The following PRH1 variants were observed in gnomAD, a reference collection of about 807,000 sequenced individuals.
The protein encoded by PRH1 is proline rich protein HaeIII subfamily 1.
Under a neutral mutation model 7.9 loss-of-function variants are expected in PRH1, and 7 were observed. The ratio of observed to expected loss-of-function variants is 0.89; its 90% CI spans 0.50 to 1.67. The LOEUF (loss-of-function observed/expected upper bound fraction) is 1.67. Ranked by LOEUF, PRH1 falls within the 40% of genes most tolerant of loss-of-function variation. The pLI, the probability that PRH1 is intolerant of heterozygous loss-of-function variation, is 0.00. For missense variants in PRH1, 109 were observed against 223.6 expected (o/e 0.49, Z 3.27); for synonymous variants, 45 against 80.8 (o/e 0.56, Z 2.38).
chr12:11,004,223 G>A (rs999599538), intron 1 of PRH1, among the ~76,000 whole-genome samples: 4 of 152,050 alleles, frequency 2.6e-5, no homozygotes, highest in Non-Finnish European at 5.9e-5. Flanking sequence ...GGCCAGGCAC[G>A]GTGGCTCACG....
chr12:11,013,975 T>C (rs1901189), intron 1 of PRH1, among the ~76,000 whole-genome samples: 37,673 of 151,778 alleles, frequency 0.25, 422 homozygotes, highest in East Asian at 0.48. Context: ...GAAATCTGCC[T>C]GCCTAAGCCT....
chr12:11,101,720 A>C (rs1269420242), intron 1 of PRH1, among the ~76,000 whole-genome samples: 1 of 152,174 alleles, frequency 6.6e-6, no homozygotes, highest in Non-Finnish European at 1.5e-5. Flanking sequence ...GTAAGATAAA[A>C]AATTATAAGG....
At chr12:11,162,623 A>T (rs1465091547) in intron 1 of PRH1, among the ~76,000 whole-genome samples, 1 of 152,182 alleles carries the variant, frequency 6.6e-6, no homozygotes, top group Non-Finnish European at 1.5e-5. Context: ...TGTGGCAGGT[A>T]CTGTGTTGCT....
At chr12:11,062,959 A>G (rs1180356169) in intron 1 of PRH1, among the ~76,000 whole-genome samples, 1 of 152,084 alleles carries the variant, frequency 6.6e-6, no homozygotes, top group Non-Finnish European at 1.5e-5. Context: ...ACACATGTGC[A>G]CACCACTCAC....
At chr12:11,066,768 T>G (rs1943839054) in intron 1 of PRH1, among the ~76,000 whole-genome samples, 1 of 151,824 alleles carries the variant, frequency 6.6e-6, no homozygotes, top group South Asian at 2.1e-4. Flanking sequence ...TTCTTCCTCA[T>G]GGCCTCATGT....
At chr12:11,037,390 G>C (rs1403560623) in intron 1 of PRH1, among the ~76,000 whole-genome samples, 7 of 152,278 alleles carry the variant, frequency 4.6e-5, no homozygotes, top group African/African-American at 1.4e-4. Flanking sequence ...CCTTTCTATG[G>C]TATTTTTCTC....
intron 1 of PRH1, among the ~76,000 whole-genome samples, chr12:11,099,454 T>C (rs978433863): frequency 6.6e-6 from 1 of 151,970 alleles, no homozygotes; most frequent in East Asian, 1.9e-4. Context: ...AGGCCAGGTG[T>C]GGAGGAGGCT....
In PRH1 at chr12:10,967,441, T is replaced by C. The variant is rs74903871; in HGVS notation, c.-59+6214A>G. 2.6e-5 allele frequency among the ~76,000 whole-genome samples: 4 copies of C among 152,312 alleles called. No homozygotes were observed. The South Asian group carries it at 8.3e-4, about 32-fold the overall frequency. On this transcript the variant is annotated intron_variant, in intron 2 of 3. Transcript: ENST00000539853. ...TGTAACCATCAAATAAGGCAAGACG[T>C]GGAACATTGCAAAGAGCCTAGGTCC...
intron 1 of PRH1, among the ~76,000 whole-genome samples, chr12:11,107,053 A>G (rs1945443942): frequency 6.6e-6 from 1 of 152,176 alleles, no homozygotes; most frequent in Non-Finnish European, 1.5e-5. Flanking sequence ...CTCGTCACCC[A>G]GGCTGGAGTG....
chr12:11,041,986 G>C (rs1942725285), intron 1 of PRH1, among the ~76,000 whole-genome samples: 1 of 151,700 alleles, frequency 6.6e-6, no homozygotes, highest in African/African-American at 2.4e-5. Context: ...ACAATACTAA[G>C]AAGGAAATTT....
At chr12:10,965,439 G>C (rs11054099) in intron 2 of PRH1, 119,535 of 505,326 alleles carry the variant, frequency 0.24, 15,188 homozygotes, top group African/African-American at 0.25. Context: ...ATTTTATGTG[G>C]ACCTGATTTC....
At chr12:10,953,238 T>C (rs1207310299) in intron 2 of PRH1, among the ~76,000 whole-genome samples, 1 of 151,844 alleles carries the variant, frequency 6.6e-6, no homozygotes, top group Non-Finnish European at 1.5e-5. Context: ...TCTTCTTACC[T>C]CCAAATGACC....
intron 2 of PRH1, among the ~76,000 whole-genome samples, chr12:10,963,895 A>G (rs1156372277): frequency 1.3e-5 from 2 of 152,246 alleles, no homozygotes; most frequent in African/African-American, 4.8e-5. Flanking sequence ...TCATTATGCA[A>G]CAAAAACTAC....
Position 11,094,422 on chromosome 12 carries a change from A to G in PRH1, n.124-47234T>C, listed in dbSNP as rs1194538472. 1.7e-5 allele frequency among the ~76,000 whole-genome samples: 2 copies of G among 114,292 alleles called. 1 individual carries two copies. Among genetic ancestry groups the G allele is most frequent in the Middle Eastern group, 7.3e-3 (2 of 274 alleles). The allele number at this position is 114,292 out of a possible 152,430, so 75.0% of individuals were successfully genotyped here. ...ATAACTGATAAAAGAACTCTGCTAA[A>G]CCAAGAGTGTGGGAAATATGTACAT... On this transcript the variant is annotated intron_variant and non_coding_transcript_variant, in intron 1 of 4. Coordinates refer to the PRH1 transcript ENST00000541977.
rs149088796 is a variant in PRH1 at position 10,922,759 on chromosome 12, A to G, written c.-58-38484T>C. Among the ~76,000 whole-genome samples, 736 of 142,100 alleles carry G rather than the reference A, an allele frequency of 5.2e-3. 5 individuals carry two copies. Among genetic ancestry groups the G allele is most frequent in the African/African-American group, 0.017 (678 of 39,694 alleles). 93.2% of individuals were successfully genotyped at this position (142,100 alleles called of 152,430 possible). A position where few individuals can be genotyped will look rare whatever the true frequency, so the allele number is the denominator to read the frequency against. ...TGTTTGTGAGGCTTCTGCTTTATCT[A>G]TTTACGTAATGCATTGTTAGGTATG... On this transcript the variant is annotated intron_variant, in intron 2 of 3. Coordinates refer to the PRH1 transcript ENST00000539853.
At chr12:10,949,359 C>T (rs1950535400) in intron 2 of PRH1, among the ~76,000 whole-genome samples, 1 of 152,202 alleles carries the variant, frequency 6.6e-6, no homozygotes, top group Admixed American at 6.5e-5. Context: ...ATCTTTGCTC[C>T]TTCATTAGTC....
chr12:11,060,066 TA>T (rs1362932186), intron 1 of PRH1, among the ~76,000 whole-genome samples: 2 of 151,948 alleles, frequency 1.3e-5, no homozygotes, highest in African/African-American at 4.8e-5. Flanking sequence ...TACATGATTT[TA>T]AAAAAACACA....
At chr12:11,020,629 T>A (rs533647564) in intron 1 of PRH1, among the ~76,000 whole-genome samples, 136 of 152,102 alleles carry the variant, frequency 8.9e-4, no homozygotes, top group African/African-American at 3.2e-3. Context: ...ATATCATTAA[T>A]ACATTTCCTA....
chr12:11,025,157 G>C (rs1941844633), intron 1 of PRH1, among the ~76,000 whole-genome samples: 1 of 151,818 alleles, frequency 6.6e-6, no homozygotes, highest in South Asian at 2.1e-4. Context: ...AGCTGGGACT[G>C]CAGGTGCCCG....
Sources: gnomAD v4.1 joint callset for allele counts (sites outside exome capture counted in the v4.1 genomes callset) on GRCh38, gnomAD v4.1.1 for gene constraint, MANE v1.5 for transcripts, NCBI Gene and HGNC (gene_info 2026-07-23, HGNC 2026-07-21) for gene names.